Variants in ESR1 observed in about 807,000 individuals in gnomAD.
ESR1 encodes the protein estrogen receptor 1.
Under a neutral mutation model 52.7 loss-of-function variants are expected in ESR1, and 12 were observed. The observed-to-expected ratio is 0.23, with a 90% CI of 0.15 to 0.37. ESR1 has a LOEUF of 0.37. Among genes scored for constraint, ESR1 ranks in the 10% least tolerant of loss-of-function variants. The pLI is 1.00. For missense variants in ESR1, 584 were observed against 779.7 expected (o/e 0.75, Z 2.99); for synonymous variants, 305 against 316.8 (o/e 0.96, Z 0.39).
chr6:151,854,357 G>T (rs923103345), intron 2 of ESR1, among the ~76,000 whole-genome samples: 1 of 152,074 alleles, frequency 6.6e-6, no homozygotes, highest in African/African-American at 2.4e-5. Flanking sequence ...TTAAGCGAAA[G>T]ATATGGCTTA....
At chr6:151,763,471 T>C (rs1784809086) in intron 2 of ESR1, among the ~76,000 whole-genome samples, 1 of 152,236 alleles carries the variant, frequency 6.6e-6, no homozygotes, top group Non-Finnish European at 1.5e-5. Flanking sequence ...TTGGTTATTG[T>C]TGCTGTAACT....
At chr6:151,863,042 T>C (rs1203689807) in intron 2 of ESR1, among the ~76,000 whole-genome samples, 1 of 152,212 alleles carries the variant, frequency 6.6e-6, no homozygotes, top group Non-Finnish European at 1.5e-5. Flanking sequence ...TCTGGTCTCA[T>C]TCAAAAATCT....
chr6:152,116,401 G>A (rs2051211046), intron 6 of ESR1, among the ~76,000 whole-genome samples: 1 of 152,128 alleles, frequency 6.6e-6, no homozygotes, highest in Non-Finnish European at 1.5e-5. Context: ...ATATGTCTGT[G>A]GGACATCGTT....
In ESR1 at chr6:151,934,233, A is replaced by G. The variant is rs1584321171; in HGVS notation, c.761-9940A>G. On this transcript the variant is annotated intron_variant, in intron 3 of 7. Transcript: ENST00000206249. The stretch of plus-strand genomic sequence containing the variant: ...CTCACTTCATTCTGGTTTCTACAGC[A>G]CAGAGAAGTAGTAGTCCCTGATCTA... Among the ~76,000 whole-genome samples, 2 of 152,294 alleles carry G rather than the reference A, an allele frequency of 1.3e-5. 1 individual carries two copies. The highest frequency in any genetic ancestry group is 1.3e-4 in the Admixed American group (2 of 15,294).
Position 151,852,248 on chromosome 6 carries a change from G to A in ESR1, c.643+9461G>A, listed in dbSNP as rs371250184. 5.3e-5 allele frequency among the ~76,000 whole-genome samples: 8 copies of A among 152,076 alleles called. No individual in the cohort carries two copies. The East Asian group carries it at 5.8e-4, about 11-fold the overall frequency. On this transcript the variant is annotated intron_variant, in intron 2 of 7. Transcript: ENST00000206249. Reference sequence around the variant, plus strand: ...CACAGAAACAGAATCAGCTCTCTGCGGATATTCCAGGGGTGGGGATTTGAA... The same window carrying A: ...CACAGAAACAGAATCAGCTCTCTGCAGATATTCCAGGGGTGGGGATTTGAA...
At chr6:152,081,745 G>GAA (rs757198305) in intron 6 of ESR1, among the ~76,000 whole-genome samples, 1 of 151,828 alleles carries the variant, frequency 6.6e-6, no homozygotes, top group African/African-American at 2.4e-5. Flanking sequence ...TAATAAAGAA[G>GAA]AAAAGAGAGA....
At chr6:151,880,630 A>G (rs1792746014) in intron 2 of ESR1, 25 bp from the exon 3 acceptor site, 2 of 1,328,338 alleles carry the variant, frequency 1.5e-6, no homozygotes, top group Non-Finnish European at 2.2e-6. Flanking sequence ...AAATAATATT[A>G]ATTCTGTCCT....
chr6:152,098,666 G>T lies in ESR1; in HGVS notation c.1554-66G>T. On this transcript the variant is annotated intron_variant, in intron 7 of 7. Transcript: ENST00000206249. This position sits in a 1 kb window ranked among gnomAD's most constrained non-coding sequence, Gnocchi z 5.1. ...AGTTCCTCTTCCTTCCCCTTCTAGG[G>T]ATTTCAGCACTCCTGGGGCTCGGGT... 1.5e-6 allele frequency: 2 copies of T among 1,304,932 alleles called. No individual in the cohort carries two copies. Among genetic ancestry groups the T allele is most frequent in the South Asian group, 1.2e-5 (1 of 81,542 alleles). 80.8% of individuals were successfully genotyped at this position (1,304,932 alleles called of 1,614,324 possible).
At chr6:152,032,366 T>C (rs1291000882) in intron 5 of ESR1, among the ~76,000 whole-genome samples, 1 of 152,212 alleles carries the variant, frequency 6.6e-6, no homozygotes, top group Non-Finnish European at 1.5e-5. Context: ...TGTTTGCAGA[T>C]GACATGATTG....
Position 152,010,132 on chromosome 6 carries a change from C to T in ESR1, c.1097-1524C>T, listed in dbSNP as rs9340964. 2.3e-4 allele frequency among the ~76,000 whole-genome samples: 35 copies of T among 152,194 alleles called. No individual in the cohort carries two copies. The East Asian group carries it at 5.0e-3, about 22-fold the overall frequency. ...GGGCCATAGACTCTGAGGTCTGTCT[C>T]TAGCTTTGGTTTCCCTATGTGGATC... On this transcript the variant is annotated intron_variant, in intron 4 of 7. Transcript: ENST00000206249.
chr6:152,053,183 A>C lies in ESR1; in HGVS notation c.1236-7808A>C, dbSNP rs2046823507. Reference sequence around the variant, plus strand: ...ATTGATTCTGCACTCATCTATTTTCATTACTGTCTCCTTCCCTCCCTCCCT... The same window carrying C: ...ATTGATTCTGCACTCATCTATTTTCCTTACTGTCTCCTTCCCTCCCTCCCT... On this transcript the variant is annotated intron_variant, in intron 5 of 7. Coordinates refer to ENST00000206249, the MANE Select transcript of ESR1 (RefSeq NM_000125.4). This position sits in a 1 kb window ranked among gnomAD's most constrained non-coding sequence, Gnocchi z 4.1. 6.6e-6 allele frequency among the ~76,000 whole-genome samples: 1 copy of C among 152,060 alleles called. No individual in the cohort carries two copies. The highest frequency in any genetic ancestry group is 6.6e-5 in the Admixed American group (1 of 15,260).
intron 2 of ESR1, among the ~76,000 whole-genome samples, chr6:151,857,376 C>CTT (rs1788035930): frequency 6.6e-6 from 1 of 152,022 alleles, no homozygotes; most frequent in Non-Finnish European, 1.5e-5. Context: ...GGGACTTAAA[C>CTT]ATCTATAGAT....
chr6:152,078,920 G>A (rs2129003973), intron 6 of ESR1, among the ~76,000 whole-genome samples: 1 of 152,348 alleles, frequency 6.6e-6, no homozygotes, highest in Non-Finnish European at 1.5e-5. Flanking sequence ...TTGATGCGGG[G>A]AGGGGCGTCT....
At position 151,897,458 on chromosome 6, in the gene ESR1, C is replaced by T. The variant is rs1207649046; in HGVS notation, c.760+16687C>T. Among the ~76,000 whole-genome samples, 7 of 152,192 alleles carry T rather than the reference C, an allele frequency of 4.6e-5. No homozygotes were observed. The East Asian group carries it at 7.7e-4, about 17-fold the overall frequency. ...TGCTCTTCTTTGTCTTTTTTAACTGCTGTTGTTTTAAAGTTTGTTTTGTCT... is the reference window on the plus strand; with the variant it reads ...TGCTCTTCTTTGTCTTTTTTAACTGTTGTTGTTTTAAAGTTTGTTTTGTCT... On this transcript the variant is annotated intron_variant, in intron 3 of 7. Transcript: ENST00000206249.
intron 2 of ESR1, among the ~76,000 whole-genome samples, chr6:151,728,850 A>G (rs1206191850): frequency 3.3e-5 from 5 of 152,224 alleles, no homozygotes; most frequent in African/African-American, 1.2e-4. Context: ...TTTAATGGAC[A>G]TAGATTAGTG....
At chr6:151,899,989 G>T (rs186415568) in intron 3 of ESR1, among the ~76,000 whole-genome samples, 1 of 152,198 alleles carries the variant, frequency 6.6e-6, no homozygotes, top group Non-Finnish European at 1.5e-5. Flanking sequence ...CTTCCCAGAC[G>T]GGGTGGCCCC....
At chr6:152,071,232 A>G (rs201773852) in intron 6 of ESR1, among the ~76,000 whole-genome samples, 1 of 151,966 alleles carries the variant, frequency 6.6e-6, no homozygotes, top group Non-Finnish European at 1.5e-5. Flanking sequence ...TAACAAGAAA[A>G]TTATTCTTTT....
chr6:151,739,908 C>T (rs910438845), intron 2 of ESR1, among the ~76,000 whole-genome samples: 1 of 152,180 alleles, frequency 6.6e-6, no homozygotes, highest in Admixed American at 6.6e-5. Flanking sequence ...CTCTCTCCAT[C>T]CCTTTTTTCC....
upstream of ESR1, among the ~76,000 whole-genome samples, chr6:151,806,530 G>GTATGTATGTATATATATATA (rs1430574846): frequency 1.0e-5 from 1 of 96,446 alleles, no homozygotes; most frequent in African/African-American, 4.0e-5. Context: ...TCCTTAATAT[G>GTATGTATGTATATATATATA]TATATATATA....
Sources: gnomAD v4.1 joint callset for allele counts (sites outside exome capture counted in the v4.1 genomes callset) on GRCh38, gnomAD v4.1.1 for gene constraint, Gnocchi (gnomAD v3.1) non-coding constraint, MANE v1.5 for transcripts, NCBI Gene and HGNC (gene_info 2026-07-23, HGNC 2026-07-21) for gene names.